LRRC4C: variants seen among roughly 807,000 people sequenced by gnomAD.
LRRC4C encodes the protein leucine rich repeat containing 4C, also known as leucine-rich repeat-containing protein 4C.
LRRC4C carries 5 observed loss-of-function variants against 33.6 expected under a neutral mutation model. The ratio of observed to expected loss-of-function variants is 0.15; its 90% CI spans 0.08 to 0.31. The LOEUF is 0.31. Ranked by LOEUF, LRRC4C falls within the 10% of genes least tolerant of loss-of-function variation. The pLI is 1.00. For synonymous variants in LRRC4C, 329 were observed against 302.0 expected, an observed-to-expected ratio of 1.09 and a Z score of -0.93; for missense variants, 560 against 796.7, an observed-to-expected ratio of 0.70 and a Z score of 3.58.
intron 1 of LRRC4C, among the ~76,000 whole-genome samples, chr11:41,107,714 G>A (rs1024538469): frequency 3.9e-5 from 6 of 152,120 alleles, no homozygotes; most frequent in Non-Finnish European, 8.8e-5. Flanking sequence ...GAAGCAGGCA[G>A]ATCACCTGAG....
chr11:41,099,857 T>C (rs988924555), intron 1 of LRRC4C, among the ~76,000 whole-genome samples: 5 of 151,956 alleles, frequency 3.3e-5, no homozygotes, highest in African/African-American at 1.2e-4. Flanking sequence ...CCAAGATAAA[T>C]AAATAAAGGG....
intron 1 of LRRC4C, among the ~76,000 whole-genome samples, chr11:41,436,221 A>G (rs773207558): frequency 3.9e-5 from 6 of 152,208 alleles, no homozygotes; most frequent in Non-Finnish European, 7.3e-5. Context: ...CATTTCCCAA[A>G]TATAGAAGAC....
intron 2 of LRRC4C, among the ~76,000 whole-genome samples, chr11:40,929,921 A>G (rs1161865512): frequency 6.6e-6 from 1 of 152,210 alleles, no homozygotes; most frequent in African/African-American, 2.4e-5. Flanking sequence ...CAGCTCTACT[A>G]GCCATAATTT....
chr11:40,910,023 A>G (rs1956597970), intron 2 of LRRC4C, among the ~76,000 whole-genome samples: 1 of 152,152 alleles, frequency 6.6e-6, no homozygotes, highest in Non-Finnish European at 1.5e-5. Flanking sequence ...TTTAAAACTT[A>G]GGAATCATAT....
At chr11:41,259,396 T>C (rs1948904113) in intron 1 of LRRC4C, among the ~76,000 whole-genome samples, 1 of 152,030 alleles carries the variant, frequency 6.6e-6, no homozygotes, top group Non-Finnish European at 1.5e-5. Flanking sequence ...TCCCTATAGA[T>C]TTTGGAAATG....
At chr11:41,429,240 T>A (rs1590252650) in intron 1 of LRRC4C, among the ~76,000 whole-genome samples, 1 of 152,170 alleles carries the variant, frequency 6.6e-6, no homozygotes, top group Non-Finnish European at 1.5e-5. Flanking sequence ...CCACCATGAT[T>A]GTAAGTTTCC....
chr11:40,852,866 C>T (rs1343406969), intron 2 of LRRC4C, among the ~76,000 whole-genome samples: 2 of 152,116 alleles, frequency 1.3e-5, no homozygotes, highest in African/African-American at 2.4e-5. Context: ...ATTGAAAACA[C>T]TTAACAAAAA....
intron 2 of LRRC4C, among the ~76,000 whole-genome samples, chr11:40,840,188 AAC>A (rs1375920511): frequency 6.6e-5 from 10 of 152,202 alleles, no homozygotes; most frequent in Non-Finnish European, 1.3e-4. Flanking sequence ...GGCAATAATC[AAC>A]ACAGTAGTAT....
At chr11:41,433,794 C>CAT (rs945056312) in intron 1 of LRRC4C, among the ~76,000 whole-genome samples, 2 of 149,100 alleles carry the variant, frequency 1.3e-5, no homozygotes, top group African/African-American at 4.9e-5. Flanking sequence ...AATAAACTCC[C>CAT]ATATATATGT....
chr11:40,777,867 A>G (rs1950069909), intron 2 of LRRC4C, among the ~76,000 whole-genome samples: 1 of 151,278 alleles, frequency 6.6e-6, no homozygotes, highest in Admixed American at 6.6e-5. Context: ...TTTTTGTATT[A>G]TTAATAGAGA....
At chr11:40,582,873 G>A (rs766877136) in intron 3 of LRRC4C, among the ~76,000 whole-genome samples, 31 of 152,006 alleles carry the variant, frequency 2.0e-4, no homozygotes, top group Non-Finnish European at 1.3e-4. Flanking sequence ...TGGAGTACAT[G>A]ATATGTTTTG....
At chr11:41,387,999 A>G (rs1482256486) in intron 1 of LRRC4C, among the ~76,000 whole-genome samples, 3 of 151,866 alleles carry the variant, frequency 2.0e-5, no homozygotes, top group African/African-American at 7.2e-5. Context: ...AGAGAAATAC[A>G]TTAAATTTTC....
chr11:40,247,495 G>A (rs535462505), intron 4 of LRRC4C, among the ~76,000 whole-genome samples: 1 of 152,210 alleles, frequency 6.6e-6, no homozygotes, highest in African/African-American at 2.4e-5. Context: ...CCTATGACGA[G>A]ATAACATTAT....
intron 2 of LRRC4C, among the ~76,000 whole-genome samples, chr11:40,748,915 A>C (rs961028705): frequency 3.3e-5 from 5 of 152,134 alleles, no homozygotes; most frequent in African/African-American, 1.2e-4. Flanking sequence ...AAAAGGGATC[A>C]CTGCAGCAAG....
chr11:41,036,116 G>A (rs1334655052), intron 1 of LRRC4C, among the ~76,000 whole-genome samples: 2 of 152,024 alleles, frequency 1.3e-5, no homozygotes, highest in East Asian at 3.9e-4. Flanking sequence ...CAGAAGGTAA[G>A]AGATTTCTAT....
chr11:41,094,057 G>C (rs7942325), intron 1 of LRRC4C, among the ~76,000 whole-genome samples: 143,864 of 151,412 alleles, frequency 0.95, 68,838 homozygotes, highest in East Asian at 1. Flanking sequence ...TGCAGTGAGC[G>C]GTGATCACGA....
chr11:40,706,390 G>A (rs1401307785), intron 2 of LRRC4C, among the ~76,000 whole-genome samples: 1 of 152,130 alleles, frequency 6.6e-6, no homozygotes, highest in African/African-American at 2.4e-5. Flanking sequence ...TTTTGTATAA[G>A]TTGCAAGGAA....
At chr11:41,336,781 G>A (rs1309734304) in intron 1 of LRRC4C, among the ~76,000 whole-genome samples, 1 of 152,138 alleles carries the variant, frequency 6.6e-6, no homozygotes, top group Non-Finnish European at 1.5e-5. Context: ...GAAGGTGCTG[G>A]CACCAACCCC....
intron 2 of LRRC4C, among the ~76,000 whole-genome samples, chr11:40,723,299 T>C (rs896958036): frequency 3.3e-5 from 5 of 151,552 alleles, no homozygotes; most frequent in East Asian, 3.9e-4. Context: ...CCAGGACACA[T>C]AGTCATCCGA....
Sources: gnomAD v4.1 joint callset for allele counts (sites outside exome capture counted in the v4.1 genomes callset) on GRCh38, gnomAD v4.1.1 for gene constraint, MANE v1.5 for transcripts, NCBI Gene and HGNC (gene_info 2026-07-23, HGNC 2026-07-21) for gene names.